The following CDH4 variants were observed in gnomAD, a reference collection of about 807,000 sequenced individuals.
The protein encoded by CDH4 is cadherin 4.
Under a neutral mutation model 86.0 loss-of-function variants are expected in CDH4, and 33 were observed. The ratio of observed to expected loss-of-function variants is 0.38; its 90% CI spans 0.29 to 0.51. The LOEUF is 0.51. Among genes scored for constraint, CDH4 ranks in the 20% least tolerant of loss-of-function variants. CDH4 has a pLI of 0.86. For synonymous variants in CDH4, 555 were observed against 549.4 expected (o/e 1.01, Z -0.14); for missense variants, 1,114 against 1,307.4 (o/e 0.85, Z 2.28).
At chr20:61,578,768 A>G (rs921070393) in intron 2 of CDH4, among the ~76,000 whole-genome samples, 28 of 152,104 alleles carry the variant, frequency 1.8e-4, no homozygotes, top group African/African-American at 6.0e-4. Context: ...CACTAAAAAT[A>G]TTGCTTCTCT....
Position 61,870,008 on chromosome 20 carries a change from G to A in CDH4, c.878-3720G>A, listed in dbSNP as rs543864640. On this transcript the variant is annotated intron_variant, in intron 6 of 15. Coordinates refer to ENST00000614565, the MANE Select transcript of CDH4 (RefSeq NM_001794.5). Reference sequence around the variant, plus strand: ...AGGCTCCCAGCCGTTCTGCTAATGTGATTTCTCAGTGATATGGTGGATCAG... The same window carrying A: ...AGGCTCCCAGCCGTTCTGCTAATGTAATTTCTCAGTGATATGGTGGATCAG... Among the ~76,000 whole-genome samples, 5 of 152,342 alleles carry A rather than the reference G, an allele frequency of 3.3e-5. No individual in the cohort carries two copies. In the South Asian group the frequency reaches 1.0e-3, roughly 32 times the overall value.
intron 2 of CDH4, among the ~76,000 whole-genome samples, chr20:61,573,481 C>T (rs570148510): frequency 6.6e-6 from 1 of 152,332 alleles, no homozygotes; most frequent in African/African-American, 2.4e-5. Flanking sequence ...GGGTGGCATC[C>T]GGAAGTGGGG....
intron 2 of CDH4, among the ~76,000 whole-genome samples, chr20:61,274,579 G>A (rs2084214554): frequency 2.8e-4 from 7 of 25,400 alleles, no homozygotes; most frequent in South Asian, 1.1e-3. Context: ...CACAGCTTGG[G>A]GGAGTACTGT....
chr20:61,511,423 T>A (rs1172931823), intron 2 of CDH4, among the ~76,000 whole-genome samples: 1 of 152,164 alleles, frequency 6.6e-6, no homozygotes, highest in Non-Finnish European at 1.5e-5. Context: ...TTCACCATAA[T>A]GCAGAATTCA....
chr20:61,288,313 G>A (rs2084303817), intron 2 of CDH4, among the ~76,000 whole-genome samples: 1 of 152,172 alleles, frequency 6.6e-6, no homozygotes, highest in South Asian at 2.1e-4. Flanking sequence ...TAACCTGTTA[G>A]AGCTGAAAAC....
At chr20:61,869,240 C>CA (rs1461875748) in intron 6 of CDH4, among the ~76,000 whole-genome samples, 4 of 152,176 alleles carry the variant, frequency 2.6e-5, no homozygotes, top group Admixed American at 6.5e-5. Flanking sequence ...CCCTGAAATC[C>CA]AAAAAAAGAG....
chr20:61,260,861 A>G (rs2084124160), intron 2 of CDH4, among the ~76,000 whole-genome samples: 1 of 152,214 alleles, frequency 6.6e-6, no homozygotes, highest in South Asian at 2.1e-4. Context: ...AGGGAAGTAT[A>G]TATCCTGTCT....
chr20:61,785,388 C>T (rs1030064510), intron 4 of CDH4, among the ~76,000 whole-genome samples: 6 of 152,204 alleles, frequency 3.9e-5, no homozygotes, highest in Non-Finnish European at 7.3e-5. Context: ...AGAATGCAGG[C>T]TGGCCCAGAG....
intron 2 of CDH4, among the ~76,000 whole-genome samples, chr20:61,736,681 A>G (rs2088268640): frequency 1.3e-5 from 2 of 151,562 alleles, no homozygotes; most frequent in South Asian, 4.2e-4. Flanking sequence ...GGGAGAGAGG[A>G]GCAAGCTGCC....
intron 1 of CDH4, among the ~76,000 whole-genome samples, chr20:61,254,013 C>T (rs2084082542): frequency 6.6e-6 from 1 of 152,214 alleles, no homozygotes; most frequent in Admixed American, 6.5e-5. Flanking sequence ...ACGCCCCCTC[C>T]CAGAAGCTTG....
intron 2 of CDH4, among the ~76,000 whole-genome samples, chr20:61,281,182 G>T (rs754956119): frequency 1.3e-5 from 2 of 152,126 alleles, no homozygotes; most frequent in South Asian, 2.1e-4. Flanking sequence ...AGGCTCCAGC[G>T]GGTTCTCACC....
chr20:61,682,299 C>G (rs2145859777), intron 2 of CDH4, among the ~76,000 whole-genome samples: 1 of 143,888 alleles, frequency 6.9e-6, no homozygotes, highest in African/African-American at 2.7e-5. Flanking sequence ...GATGAATGGA[C>G]AAAGGGACAG....
At chr20:61,306,618 G>A (rs907405272) in intron 2 of CDH4, among the ~76,000 whole-genome samples, 1 of 152,154 alleles carries the variant, frequency 6.6e-6, no homozygotes, top group Admixed American at 6.5e-5. Context: ...TACAGCGTGA[G>A]CCACCGCACC....
At chr20:61,716,428 G>GGCTGGACCTGTAAAGGGGTGGACGCT (rs1568773433) in intron 2 of CDH4, among the ~76,000 whole-genome samples, 17 of 152,304 alleles carry the variant, frequency 1.1e-4, no homozygotes, top group South Asian at 4.1e-4. Context: ...GCTGCCTCTT[G>GGCTGGACCTGTAAAGGGGTGGACGCT]CCCTGAGCTG....
chr20:61,782,450 C>T (rs1978597877), intron 4 of CDH4, among the ~76,000 whole-genome samples: 1 of 152,186 alleles, frequency 6.6e-6, no homozygotes, highest in African/African-American at 2.4e-5. Flanking sequence ...GAAATCCACA[C>T]CTCCAGGAAG....
intron 7 of CDH4, among the ~76,000 whole-genome samples, chr20:61,876,000 G>A (rs763947590): frequency 2.0e-5 from 3 of 152,208 alleles, no homozygotes; most frequent in Non-Finnish European, 2.9e-5. Flanking sequence ...TCTCTGGGAC[G>A]TTTGCACAGC....
chr20:61,858,653 G>A (rs1983180041), intron 6 of CDH4, among the ~76,000 whole-genome samples: 1 of 152,234 alleles, frequency 6.6e-6, no homozygotes, highest in South Asian at 2.1e-4. Context: ...GGATACTATA[G>A]AAATGGAATC....
intron 2 of CDH4, among the ~76,000 whole-genome samples, chr20:61,458,017 T>G (rs562787439): frequency 9.7e-4 from 145 of 149,450 alleles, no homozygotes; most frequent in African/African-American, 3.4e-3. Flanking sequence ...GGGATGGTGA[T>G]GGTTATGATG....
chr20:61,501,909 T>G lies in CDH4; in HGVS notation c.170-241654T>G. On this transcript the variant is annotated intron_variant, in intron 2 of 15. Transcript: ENST00000614565. The surrounding 1 kb of genome is among the most constrained non-coding windows in gnomAD (Gnocchi z 4.2). ...AGAACATGTTCTCCACTCCCCCAGC[T>G]CCTCTGAGGAATGCCTGAGTGAGGA... Among the ~76,000 whole-genome samples the G allele has an allele frequency of 6.6e-6, 1 of 152,142 alleles. No individual in the cohort carries two copies. The highest frequency in any genetic ancestry group is 1.9e-4 in the East Asian group (1 of 5,188).
Sources: gnomAD v4.1 joint callset for allele counts (sites outside exome capture counted in the v4.1 genomes callset) on GRCh38, gnomAD v4.1.1 for gene constraint, Gnocchi (gnomAD v3.1) non-coding constraint, MANE v1.5 for transcripts, NCBI Gene and HGNC (gene_info 2026-07-23, HGNC 2026-07-21) for gene names.